Variants in MEGF11 observed in about 807,000 individuals in gnomAD.
MEGF11 encodes multiple epidermal growth factor-like domains protein 11.
A neutral mutation model predicts 146.6 loss-of-function variants in MEGF11; 126 were observed. The ratio of observed to expected loss-of-function variants is 0.86; its 90% CI spans 0.74 to 1.00. The LOEUF (loss-of-function observed/expected upper bound fraction) is 1.00, where lower values mean the gene tolerates loss of function less well. Ranked by LOEUF, MEGF11 falls within the 50% of genes least tolerant of loss-of-function variation. The pLI, the probability that MEGF11 is intolerant of heterozygous loss-of-function variation, is 0.00. For synonymous variants in MEGF11, 532 were observed against 583.4 expected (o/e 0.91, Z 1.27); for missense variants, 1,509 against 1,521.2 (o/e 0.99, Z 0.13).
rs527551167 is a variant in MEGF11, at chr15:66,092,415, A to T, written c.394+1987T>A. 6.6e-5 allele frequency among the ~76,000 whole-genome samples: 10 copies of T among 152,316 alleles called. No homozygotes were observed. In the South Asian group the frequency reaches 2.1e-3, roughly 32 times the overall value. ...GTAGATCCAAAAGTCATGGCTCTTC[A>T]ACCAATGAGGGTGGATTTAATTGAG... On this transcript the variant is annotated intron_variant, in intron 5 of 25. Transcript: ENST00000395614.
chr15:65,916,461 G>T, intron 17 of MEGF11, 185 bp from the exon 18 acceptor site: 2 of 798,168 alleles, frequency 2.5e-6, no homozygotes, highest in Non-Finnish European at 3.9e-6. Context: ...CAAGGTGATC[G>T]TTGCCTTTCC....
At chr15:66,031,278 T>C (rs1323901572) in intron 5 of MEGF11, among the ~76,000 whole-genome samples, 2 of 152,194 alleles carry the variant, frequency 1.3e-5, no homozygotes, top group South Asian at 2.1e-4. Context: ...GTTGGGTAGA[T>C]TTGCTCATTG....
intron 5 of MEGF11, among the ~76,000 whole-genome samples, chr15:66,048,802 A>T (rs1265264291): frequency 6.6e-6 from 1 of 152,184 alleles, no homozygotes; most frequent in African/African-American, 2.4e-5. Flanking sequence ...CAGAATTGAC[A>T]GATAAAATCC....
intron 5 of MEGF11, among the ~76,000 whole-genome samples, chr15:65,987,569 C>T (rs1220106652): frequency 6.6e-6 from 1 of 152,156 alleles, no homozygotes; most frequent in Non-Finnish European, 1.5e-5. Flanking sequence ...GCATTAATTA[C>T]ATTCACAGTG....
chr15:65,989,859 G>A (rs899829005), intron 5 of MEGF11, among the ~76,000 whole-genome samples: 1 of 152,314 alleles, frequency 6.6e-6, no homozygotes, highest in East Asian at 1.9e-4. Context: ...GGGGAATTTA[G>A]GTTGTCACAA....
intron 5 of MEGF11, among the ~76,000 whole-genome samples, chr15:66,065,642 C>G (rs6494546): frequency 0.87 from 132,493 of 152,214 alleles, 58,848 homozygotes; most frequent in East Asian, 0.96. Flanking sequence ...ACATTTCCTG[C>G]GTCCAAGAGG....
At chr15:65,959,736 A>G (rs998099564) in intron 9 of MEGF11, among the ~76,000 whole-genome samples, 1 of 152,226 alleles carries the variant, frequency 6.6e-6, no homozygotes, top group African/African-American at 2.4e-5. Context: ...TGACTAGGCT[A>G]TTGAGGCACC....
At chr15:66,223,215 T>C (rs2091776368) in intron 1 of MEGF11, among the ~76,000 whole-genome samples, 1 of 152,082 alleles carries the variant, frequency 6.6e-6, no homozygotes, top group Non-Finnish European at 1.5e-5. Flanking sequence ...CTTGAAAACA[T>C]GCTAAGTGAA....
At chr15:65,993,768 G>T (rs1278256187) in intron 5 of MEGF11, among the ~76,000 whole-genome samples, 1 of 152,170 alleles carries the variant, frequency 6.6e-6, no homozygotes, top group African/African-American at 2.4e-5. Context: ...GGAAGTTGTG[G>T]GGTCCAAGCC....
intron 5 of MEGF11, among the ~76,000 whole-genome samples, chr15:66,044,466 C>G (rs2140311980): frequency 6.6e-6 from 1 of 152,292 alleles, no homozygotes; most frequent in East Asian, 1.9e-4. Context: ...ATGCCACACA[C>G]AGGGCCAGCA....
At chr15:66,228,938 A>AG (rs1199856411) in intron 1 of MEGF11, among the ~76,000 whole-genome samples, 1 of 152,086 alleles carries the variant, frequency 6.6e-6, no homozygotes, top group East Asian at 1.9e-4. Context: ...AGTCCTCTCT[A>AG]CACAGCGCCC....
At chr15:66,011,093 T>C (rs141791226) in intron 5 of MEGF11, among the ~76,000 whole-genome samples, 116 of 152,282 alleles carry the variant, frequency 7.6e-4, no homozygotes, top group African/African-American at 2.7e-3. Flanking sequence ...AGAGCTGGTA[T>C]AGAAATGCCA....
intron 1 of MEGF11, among the ~76,000 whole-genome samples, chr15:66,227,813 C>A (rs957460613): frequency 6.6e-6 from 1 of 152,248 alleles, no homozygotes; most frequent in Non-Finnish European, 1.5e-5. Flanking sequence ...GGAAGGGCCA[C>A]CCCAGCCCAC....
At chr15:66,139,045 G>A (rs1342190481) in intron 1 of MEGF11, among the ~76,000 whole-genome samples, 1 of 152,216 alleles carries the variant, frequency 6.6e-6, no homozygotes, top group Non-Finnish European at 1.5e-5. Flanking sequence ...CCCAGCCCAG[G>A]CCCTGCTGAC....
In MEGF11 at chr15:65,965,654, A is replaced by G. The variant is rs551995507; in HGVS notation, c.900-534T>C. ...GCTCTTCTATTCTTTTCGCCCTCTG[A>G]GGATGCAGGCTTCAAGGCACCATTT... is the stretch of plus-strand genomic sequence containing the variant. On this transcript the variant is annotated intron_variant, in intron 8 of 25. Coordinates refer to ENST00000395614, the MANE Select transcript of MEGF11 (RefSeq NM_001385028.1). 1.8e-4 allele frequency among the ~76,000 whole-genome samples: 20 copies of G among 112,264 alleles called. No homozygotes were observed. The South Asian group carries it at 3.5e-3, about 20-fold the overall frequency. 73.6% of individuals were successfully genotyped at this position (112,264 alleles called of 152,430 possible).
chr15:66,166,316 C>T (rs1346178258), intron 1 of MEGF11, among the ~76,000 whole-genome samples: 2 of 152,152 alleles, frequency 1.3e-5, no homozygotes, highest in Admixed American at 1.3e-4. Context: ...TCAGCAAATC[C>T]TGCTGGCTCT....
chr15:66,222,679 A>G (rs769307319), intron 1 of MEGF11, among the ~76,000 whole-genome samples: 6 of 152,234 alleles, frequency 3.9e-5, no homozygotes, highest in Non-Finnish European at 8.8e-5. Flanking sequence ...TGAGCAAAGG[A>G]TCTGAATAGA....
chr15:66,017,104 G>A (rs1383016664), intron 5 of MEGF11, among the ~76,000 whole-genome samples: 1 of 152,172 alleles, frequency 6.6e-6, no homozygotes, highest in Non-Finnish European at 1.5e-5. Flanking sequence ...GGGTGAGTGC[G>A]ATCGATTAAA....
intron 5 of MEGF11, among the ~76,000 whole-genome samples, chr15:65,988,476 A>G (rs890396156): frequency 6.6e-5 from 10 of 152,224 alleles, no homozygotes; most frequent in African/African-American, 1.2e-4. Context: ...ATACTATTCA[A>G]TTGTATGGAC....
Sources: gnomAD v4.1 joint callset for allele counts (sites outside exome capture counted in the v4.1 genomes callset) on GRCh38, gnomAD v4.1.1 for gene constraint, MANE v1.5 for transcripts, NCBI Gene and HGNC (gene_info 2026-07-23, HGNC 2026-07-21) for gene names.